The following ASTN1 variants were observed in gnomAD, a reference collection of about 807,000 sequenced individuals.
ASTN1 encodes astrotactin 1.
A neutral mutation model predicts 140.7 loss-of-function variants in ASTN1; 41 were observed. That is an observed-to-expected ratio of 0.29 (90% CI 0.23 to 0.38). The LOEUF (loss-of-function observed/expected upper bound fraction) is 0.38. Ranked by LOEUF, ASTN1 falls within the 10% of genes least tolerant of loss-of-function variation. ASTN1 has a pLI of 1.00. For synonymous variants in ASTN1, 640 were observed against 652.2 expected (o/e 0.98, Z 0.29); for missense variants, 1,479 against 1,678.8 (o/e 0.88, Z 2.08).
intron 2 of ASTN1, among the ~76,000 whole-genome samples, chr1:177,033,663 G>A (rs966200528): frequency 6.6e-6 from 1 of 152,128 alleles, no homozygotes; most frequent in Non-Finnish European, 1.5e-5. Context: ...GTGATGTTCC[G>A]TCTTCTTACT....
At chr1:176,912,337 T>A (rs1234964319) in intron 16 of ASTN1, among the ~76,000 whole-genome samples, 2 of 152,244 alleles carry the variant, frequency 1.3e-5, no homozygotes, top group Admixed American at 1.3e-4. Context: ...CACATGGCTC[T>A]GCTTCAATAA....
At chr1:177,014,050 A>T (rs79622562) in intron 8 of ASTN1, among the ~76,000 whole-genome samples, 1 of 139,452 alleles carries the variant, frequency 7.2e-6, no homozygotes, top group East Asian at 2.0e-4. Flanking sequence ...TGTCTCAATT[A>T]AAAAAAAAAA....
chr1:177,057,058 T>C (rs1445293149), intron 2 of ASTN1, among the ~76,000 whole-genome samples: 1 of 152,226 alleles, frequency 6.6e-6, no homozygotes, highest in Non-Finnish European at 1.5e-5. Context: ...CAGCCAAGTT[T>C]GAATCATGCA....
intron 1 of ASTN1, among the ~76,000 whole-genome samples, chr1:177,087,421 T>C (rs958158867): frequency 1.3e-5 from 2 of 152,166 alleles, no homozygotes; most frequent in African/African-American, 4.8e-5. Context: ...ATGCTGACCA[T>C]GAATAGCCAT....
intron 21 of ASTN1, 89 bp from the exon 22 acceptor site, chr1:176,869,116 A>G (rs1472155564): frequency 1.1e-6 from 1 of 934,002 alleles, no homozygotes; most frequent in Non-Finnish European, 1.5e-6. Context: ...TATATCATAT[A>G]GACATATCAC....
At chr1:177,139,515 A>G (rs1682364249) in intron 1 of ASTN1, among the ~76,000 whole-genome samples, 1 of 152,230 alleles carries the variant, frequency 6.6e-6, no homozygotes, top group Admixed American at 6.5e-5. Context: ...CAAGGAAGGT[A>G]CCTTGGATGC....
chr1:177,146,025 T>A (rs1682706398), intron 1 of ASTN1, among the ~76,000 whole-genome samples: 1 of 152,150 alleles, frequency 6.6e-6, no homozygotes, highest in African/African-American at 2.4e-5. Context: ...AAGAAATTTT[T>A]AAAATATTTA....
At chr1:177,071,555 C>A (rs565242608) in intron 1 of ASTN1, among the ~76,000 whole-genome samples, 1 of 152,270 alleles carries the variant, frequency 6.6e-6, no homozygotes, top group East Asian at 1.9e-4. Context: ...CTTTCCACCC[C>A]ATTCCTACAG....
At position 176,942,861 on chromosome 1, in the gene ASTN1, TATATA is replaced by T. The variant is rs1671796436; in HGVS notation, c.2377+1025_2377+1029del. ...GTATATATATATATATATATATATA[TATATA>T]GATTGATGTCTCATGTCTCCTTAAA... On this transcript the variant is annotated intron_variant, in intron 14 of 22. Coordinates refer to ENST00000361833, the MANE Select transcript of ASTN1 (RefSeq NM_004319.3). Among the ~76,000 whole-genome samples, 28 of 104,320 alleles carry T rather than the reference TATATA, an allele frequency of 2.7e-4. 2 individuals carry two copies. In the South Asian group the frequency reaches 8.7e-3, roughly 32 times the overall value. 68.4% of individuals were successfully genotyped at this position (104,320 alleles called of 152,430 possible). A position where few individuals can be genotyped will look rare whatever the true frequency, so the allele number is the denominator to read the frequency against.
intron 1 of ASTN1, among the ~76,000 whole-genome samples, chr1:177,109,249 A>G (rs1176346766): frequency 6.6e-6 from 1 of 152,158 alleles, no homozygotes; most frequent in Non-Finnish European, 1.5e-5. Flanking sequence ...CTTTGCAGGA[A>G]ATATGTAGTA....
intron 1 of ASTN1, among the ~76,000 whole-genome samples, chr1:177,099,641 T>C (rs1680205831): frequency 6.6e-6 from 1 of 152,202 alleles, no homozygotes; most frequent in South Asian, 2.1e-4. Flanking sequence ...TTTGCCAATA[T>C]AGTTGCCTAG....
At chr1:177,087,421 T>G (rs958158867) in intron 1 of ASTN1, among the ~76,000 whole-genome samples, 9 of 152,166 alleles carry the variant, frequency 5.9e-5, no homozygotes, top group African/African-American at 1.9e-4. Context: ...ATGCTGACCA[T>G]GAATAGCCAT....
intron 1 of ASTN1, among the ~76,000 whole-genome samples, chr1:177,073,882 AAT>A (rs925730696): frequency 7.2e-4 from 109 of 152,082 alleles, no homozygotes; most frequent in African/African-American, 2.6e-3. Flanking sequence ...AATGCTTAGA[AAT>A]ATGAGTTACC....
intron 1 of ASTN1, among the ~76,000 whole-genome samples, chr1:177,090,180 T>A (rs1679679090): frequency 6.6e-6 from 1 of 151,798 alleles, no homozygotes; most frequent in African/African-American, 2.4e-5. Context: ...CACAATATGA[T>A]AATATCCTGG....
intron 14 of ASTN1, among the ~76,000 whole-genome samples, chr1:176,940,268 G>T (rs1671660525): frequency 6.6e-6 from 1 of 152,160 alleles, no homozygotes; most frequent in African/African-American, 2.4e-5. Context: ...ACCAGCCTAG[G>T]AAGCCAGTCT....
At chr1:176,865,072 G>C (rs1668085566) in intron 22 of ASTN1, among the ~76,000 whole-genome samples, 1 of 152,202 alleles carries the variant, frequency 6.6e-6, no homozygotes, top group Non-Finnish European at 1.5e-5. Flanking sequence ...ATTAGCCTTT[G>C]GGAATATGCA....
At position 176,944,772 on chromosome 1, in the gene ASTN1, C is replaced by A. The variant is rs143728414; in HGVS notation, c.2250-754G>T. 1.2e-3 allele frequency among the ~76,000 whole-genome samples: 177 copies of A among 152,338 alleles called. 2 individuals are homozygous for A. The East Asian group carries it at 0.029, about 25-fold the overall frequency. On this transcript the variant is annotated intron_variant, in intron 13 of 22. Coordinates refer to ENST00000361833, the MANE Select transcript of ASTN1 (RefSeq NM_004319.3). ...TCCCTACTTCCTGACCTCCTCTCGA[C>A]AAGATCTAGGCAGAGGCAGTCTCAT...
chr1:176,996,656 G>T (rs1403016390), intron 8 of ASTN1, among the ~76,000 whole-genome samples: 2 of 152,162 alleles, frequency 1.3e-5, no homozygotes, highest in African/African-American at 4.8e-5. Context: ...GTGTAGGTTT[G>T]CCTCTTCCTC....
chr1:176,961,370 GC>G (rs746030010), intron 9 of ASTN1, among the ~76,000 whole-genome samples: 2 of 152,194 alleles, frequency 1.3e-5, no homozygotes, highest in African/African-American at 2.4e-5. Flanking sequence ...AAGAAAAGCA[GC>G]CTCTGGTAAG....
Sources: allele counts gnomAD v4.1 joint callset (sites outside exome capture counted in the v4.1 genomes callset), GRCh38; gene constraint gnomAD v4.1.1; transcripts MANE v1.5; gene names NCBI Gene and HGNC (gene_info 2026-07-23, HGNC 2026-07-21).